Variants in VCAN observed in about 807,000 individuals in gnomAD.
The protein encoded by VCAN is versican core protein.
A neutral mutation model predicts 245.5 loss-of-function variants in VCAN; 44 were observed. The ratio of observed to expected loss-of-function variants is 0.18; its 90% CI spans 0.14 to 0.23. The LOEUF (loss-of-function observed/expected upper bound fraction) is 0.23. Ranked by LOEUF, VCAN falls within the 10% of genes least tolerant of loss-of-function variation. The pLI is 1.00. For synonymous variants in VCAN, 1,413 were observed against 1,437.0 expected, an observed-to-expected ratio of 0.98 and a Z score of 0.38; for missense variants, 3,793 against 4,057.9, an observed-to-expected ratio of 0.93 and a Z score of 1.77.
intron 5 of VCAN, among the ~76,000 whole-genome samples, chr5:83,510,865 C>T (rs1002574275): frequency 2.6e-5 from 4 of 152,184 alleles, no homozygotes; most frequent in Admixed American, 6.5e-5. Flanking sequence ...TAACCAATCT[C>T]ACCACTTTGG....
chr5:83,518,790 T>C (rs1745959977), intron 6 of VCAN, among the ~76,000 whole-genome samples: 2 of 152,208 alleles, frequency 1.3e-5, no homozygotes, highest in South Asian at 2.1e-4. Flanking sequence ...GACAATGTAA[T>C]GGTTTATATG....
At chr5:83,529,673 T>A (rs1002901508) in intron 7 of VCAN, among the ~76,000 whole-genome samples, 1 of 152,066 alleles carries the variant, frequency 6.6e-6, no homozygotes, top group East Asian at 1.9e-4. Flanking sequence ...CAGGCCTCAG[T>A]TGTTATATAA....
chr5:83,530,673 A>G (rs1746483243), intron 7 of VCAN, among the ~76,000 whole-genome samples: 1 of 152,182 alleles, frequency 6.6e-6, no homozygotes, highest in African/African-American at 2.4e-5. Context: ...TGTTTCATGT[A>G]CAAAAATGTT....
chr5:83,497,764 G>GAAATTAGGT (rs1263039506), intron 5 of VCAN, among the ~76,000 whole-genome samples: 1 of 152,144 alleles, frequency 6.6e-6, no homozygotes, highest in Admixed American at 6.6e-5. Context: ...AATGGCTCAA[G>GAAATTAGGT]AAATTAGGTA....
chr5:83,536,776 G>A (rs183955125), intron 7 of VCAN: 34 of 392,402 alleles, frequency 8.7e-5, no homozygotes, highest in African/African-American at 6.2e-4. Context: ...GTGTTGATGA[G>A]TCTTTATAAC....
At chr5:83,559,103 A>G (rs771368574) in intron 12 of VCAN, among the ~76,000 whole-genome samples, 14 of 152,170 alleles carry the variant, frequency 9.2e-5, no homozygotes, top group Non-Finnish European at 1.3e-4. Flanking sequence ...TCACTAATGA[A>G]TTGCTTTGCT....
At chr5:83,560,710 C>T (rs1446023101) in intron 12 of VCAN, among the ~76,000 whole-genome samples, 1 of 152,178 alleles carries the variant, frequency 6.6e-6, no homozygotes, top group Non-Finnish European at 1.5e-5. Flanking sequence ...CAAACCTCTC[C>T]AACAAGTGGT....
At chr5:83,565,883 G>C (rs1055949402) in intron 12 of VCAN, among the ~76,000 whole-genome samples, 1 of 148,490 alleles carries the variant, frequency 6.7e-6, no homozygotes, top group Non-Finnish European at 1.5e-5. Context: ...ATGAACCCAA[G>C]AAAACTCATT....
chr5:83,474,059 G>A (rs1028312613), intron 1 of VCAN, among the ~76,000 whole-genome samples: 5 of 152,108 alleles, frequency 3.3e-5, no homozygotes, highest in African/African-American at 1.2e-4. Flanking sequence ...CTTTAAGAAA[G>A]ATAATACACA....
chr5:83,549,101 G>A (rs1747354216), intron 10 of VCAN, among the ~76,000 whole-genome samples: 1 of 152,166 alleles, frequency 6.6e-6, no homozygotes, highest in South Asian at 2.1e-4. Flanking sequence ...ACATTAGAAA[G>A]ATGGCATTTG....
intron 7 of VCAN, chr5:83,535,972 A>G (rs1394643279): frequency 6.6e-6 from 1 of 152,152 alleles, no homozygotes; most frequent in Non-Finnish European, 1.5e-5. Context: ...ACCCTGTTCT[A>G]GGACAGTTGA....
At chr5:83,578,302 A>G (rs1561279128) in intron 13 of VCAN, among the ~76,000 whole-genome samples, 1 of 151,940 alleles carries the variant, frequency 6.6e-6, no homozygotes, top group Non-Finnish European at 1.5e-5. Context: ...GGACACAAAG[A>G]GGGGAAAAAC....
chr5:83,547,881 G>A, intron 9 of VCAN, 90 bp from the exon 10 acceptor site: 2 of 870,522 alleles, frequency 2.3e-6, no homozygotes, highest in South Asian at 2.7e-5. Context: ...TTAACTGGCT[G>A]TCTTGTATGT....
At chr5:83,545,439 C>T in intron 8 of VCAN, 98 bp from the exon 9 acceptor site, 1 of 912,156 alleles carries the variant, frequency 1.1e-6, no homozygotes, top group Admixed American at 1.7e-5. Context: ...TATGGTAAAG[C>T]CTATAATATG....
chr5:83,474,762 C>T (rs1261383255), intron 1 of VCAN, among the ~76,000 whole-genome samples: 1 of 152,216 alleles, frequency 6.6e-6, no homozygotes, highest in East Asian at 1.9e-4. Flanking sequence ...AGTGGCCTCG[C>T]CCCCAGGATT....
At chr5:83,487,707 A>G (rs1040876928) in intron 2 of VCAN, among the ~76,000 whole-genome samples, 6 of 152,144 alleles carry the variant, frequency 3.9e-5, no homozygotes, top group African/African-American at 1.4e-4. Context: ...TCTTATATAT[A>G]TAAACATCTA....
At chr5:83,550,748 G>C (rs1226521287) in intron 10 of VCAN, among the ~76,000 whole-genome samples, 1 of 151,986 alleles carries the variant, frequency 6.6e-6, no homozygotes, top group Non-Finnish European at 1.5e-5. Context: ...TTAGCCGGGT[G>C]TGGTGGCGGG....
chr5:83,490,028 A>G, intron 2 of VCAN, 70 bp from the exon 3 acceptor site: 1 of 1,560,950 alleles, frequency 6.4e-7, no homozygotes, highest in Non-Finnish European at 8.8e-7. Flanking sequence ...CTGCTTATCC[A>G]TTCACATATT....
At chr5:83,565,863 A>G (rs1748059360) in intron 12 of VCAN, among the ~76,000 whole-genome samples, 1 of 152,078 alleles carries the variant, frequency 6.6e-6, no homozygotes, top group Non-Finnish European at 1.5e-5. Flanking sequence ...AACTGAAAGT[A>G]GTACTAAAGA....
Sources: allele counts gnomAD v4.1 joint callset (sites outside exome capture counted in the v4.1 genomes callset), GRCh38; gene constraint gnomAD v4.1.1; transcripts MANE v1.5; gene names NCBI Gene and HGNC (gene_info 2026-07-23, HGNC 2026-07-21).